Variants in AVPI1 observed in about 807,000 individuals in gnomAD.
The protein encoded by AVPI1 is arginine vasopressin induced 1, also known as arginine vasopressin-induced protein 1.
A neutral mutation model predicts 11.9 loss-of-function variants in AVPI1; 9 were observed. The observed-to-expected ratio is 0.76, with a 90% CI of 0.46 to 1.32. The LOEUF (loss-of-function observed/expected upper bound fraction) is 1.32, where lower values mean the gene tolerates loss of function less well. Among genes scored for constraint, AVPI1 ranks in the 40% most tolerant of loss-of-function variants. The pLI, the probability that AVPI1 is intolerant of heterozygous loss-of-function variation, is 0.00. For synonymous variants in AVPI1, 68 were observed against 78.1 expected, an observed-to-expected ratio of 0.87 and a Z score of 0.68; for missense variants, 207 against 195.8, an observed-to-expected ratio of 1.06 and a Z score of -0.34.
chr10:97,678,153 G>A, intron 2 of AVPI1, 128 bp from the exon 3 acceptor site: 1 of 1,020,292 alleles, frequency 9.8e-7, no homozygotes, highest in Non-Finnish European at 1.4e-6. Flanking sequence ...GCTCTGCTCT[G>A]GTCTTTCCCC....
intron 1 of AVPI1, among the ~76,000 whole-genome samples, chr10:97,681,917 AAG>A (rs1308724081): frequency 1.8e-4 from 27 of 151,742 alleles, no homozygotes; most frequent in Admixed American, 7.2e-4. Flanking sequence ...AAAAGAAAAA[AAG>A]AATACAATGA....
At position 97,678,953 on chromosome 10, in the gene AVPI1, G is replaced by C. The variant is rs1564779913; in HGVS notation, c.287+666C>G. 9.3e-4 allele frequency among the ~76,000 whole-genome samples: 43 copies of C among 45,998 alleles called. 5 individuals carry two copies. The East Asian group carries it at 0.013, about 14-fold the overall frequency. 30.2% of individuals were successfully genotyped at this position (45,998 alleles called of 152,430 possible). A position where few individuals can be genotyped will look rare whatever the true frequency, so the allele number is the denominator to read the frequency against. On this transcript the variant is annotated intron_variant, in intron 2 of 2. Coordinates refer to ENST00000370626, the MANE Select transcript of AVPI1 (RefSeq NM_021732.3). ...TGTGTGTGTGTGTGTGTGTGTGTGT[G>C]TGTGTGTGTGTGTGTGTGTGTGTGT...
intron 1 of AVPI1, among the ~76,000 whole-genome samples, chr10:97,681,809 C>T (rs1289057026): frequency 6.9e-6 from 1 of 144,964 alleles, no homozygotes; most frequent in African/African-American, 2.5e-5. Flanking sequence ...ACCCGGGAAG[C>T]GGAGCTTGCA....
Position 97,677,821 on chromosome 10 carries a change from C to T in AVPI1, c.*48G>A. 1.2e-6 allele frequency: 2 copies of T among 1,605,190 alleles called. No homozygotes were observed. Among genetic ancestry groups the T allele is most frequent in the Non-Finnish European group, 8.5e-7 (1 of 1,174,454 alleles). On this transcript the variant is annotated 3_prime_UTR_variant, in exon 3 of 3. Transcript: ENST00000370626. Reference sequence around the variant, plus strand: ...GTCTCTCTTCCTTCACCTCCCCAGGCCTTTTGGCAAGAGGGAAGACACTGC... The same window carrying T: ...GTCTCTCTTCCTTCACCTCCCCAGGTCTTTTGGCAAGAGGGAAGACACTGC...
At chr10:97,679,591 C>T (rs1241675627) in intron 2 of AVPI1, 28 bp downstream of exon 2, 2 of 1,586,114 alleles carry the variant, frequency 1.3e-6, no homozygotes, top group Non-Finnish European at 1.7e-6. Flanking sequence ...AGTGCTCTTC[C>T]CTCAGCCATC....
chr10:97,681,738 C>T (rs1161190160), intron 1 of AVPI1, among the ~76,000 whole-genome samples: 6 of 147,508 alleles, frequency 4.1e-5, no homozygotes, highest in Non-Finnish European at 7.5e-5. Context: ...ATTAGCCGGG[C>T]GCGGTGGCGG....
intron 2 of AVPI1, among the ~76,000 whole-genome samples, chr10:97,678,880 GGTGTGTGTGTGTGTGT>G (rs1255604041): frequency 2.6e-5 from 3 of 113,436 alleles, no homozygotes; most frequent in Admixed American, 9.8e-5. Flanking sequence ...GCGGGGGGAG[GGTGTGTGTGTGTGTGT>G]GTGTGTGTGT....
At chr10:97,683,764 T>G (rs2041715908) in intron 1 of AVPI1, among the ~76,000 whole-genome samples, 1 of 152,214 alleles carries the variant, frequency 6.6e-6, no homozygotes, top group South Asian at 2.1e-4. Context: ...CCCAGCCCAG[T>G]GCACAGAGCC....
intron 1 of AVPI1, among the ~76,000 whole-genome samples, chr10:97,680,899 T>C (rs554603893): frequency 5.3e-5 from 8 of 152,298 alleles, no homozygotes; most frequent in African/African-American, 1.9e-4. Context: ...CTGAAACTTA[T>C]AAGAAAGTTC....
chr10:97,681,618 C>G (rs1449566380), intron 1 of AVPI1, among the ~76,000 whole-genome samples: 3 of 151,946 alleles, frequency 2.0e-5, no homozygotes, highest in Non-Finnish European at 4.4e-5. Flanking sequence ...GTGGCTCACG[C>G]CTGTAATCCA....
At position 97,678,948 on chromosome 10, in the gene AVPI1, T is replaced by TCGCC. The variant is rs1564779887; in HGVS notation, c.287+670_287+671insGGCG. ...GTGTGTGTGTGTGTGTGTGTGTGTG[T>TCGCC]GTGTGTGTGTGTGTGTGTGTGTGTG... is the stretch of plus-strand genomic sequence containing the variant. On this transcript the variant is annotated intron_variant, in intron 2 of 2. Coordinates refer to ENST00000370626, the MANE Select transcript of AVPI1 (RefSeq NM_021732.3). Among the ~76,000 whole-genome samples, 78 of 40,016 alleles carry TCGCC rather than the reference T, an allele frequency of 1.9e-3. 10 individuals are homozygous for TCGCC. Among genetic ancestry groups the TCGCC allele is most frequent in the East Asian group, 7.3e-3 (11 of 1,504 alleles). 26.3% of individuals were successfully genotyped at this position (40,016 alleles called of 152,430 possible).
At chr10:97,684,028 G>C (rs2041717405) in intron 1 of AVPI1, among the ~76,000 whole-genome samples, 1 of 152,178 alleles carries the variant, frequency 6.6e-6, no homozygotes, top group Non-Finnish European at 1.5e-5. Flanking sequence ...GGACAGGTCT[G>C]GCTAACTGGG....
rs1564779908 is a variant in AVPI1, at chr10:97,678,952, T to A, written c.287+667A>T. Among the ~76,000 whole-genome samples, 65 of 39,708 alleles carry A rather than the reference T, an allele frequency of 1.6e-3. 7 individuals are homozygous for A. The highest frequency in any genetic ancestry group is 0.012 in the East Asian group (19 of 1,628). 26.0% of individuals were successfully genotyped at this position (39,708 alleles called of 152,430 possible). A position where few individuals can be genotyped will look rare whatever the true frequency, so the allele number is the denominator to read the frequency against. On this transcript the variant is annotated intron_variant, in intron 2 of 2. Coordinates refer to ENST00000370626, the MANE Select transcript of AVPI1 (RefSeq NM_021732.3). ...GTGTGTGTGTGTGTGTGTGTGTGTG[T>A]GTGTGTGTGTGTGTGTGTGTGTGTG...
Position 97,677,962 on chromosome 10 carries a change from C to T in AVPI1, c.351G>A (p.Glu117=), listed in dbSNP as rs746461379. 1.2e-6 allele frequency: 2 copies of T among 1,614,188 alleles called. No individual in the cohort carries two copies. Among genetic ancestry groups the T allele is most frequent in the East Asian group, 2.2e-5 (1 of 44,882 alleles). The change falls in exon 3 of 3, where the codon GAG becomes GAA. Residue 117 remains glutamate (E), a synonymous_variant. Transcript: ENST00000370626. ...PQSATETASS[E]QYLHSRKKSA... ...TTTTCTTCCTAGAGTGCAGATACTG[C>T]TCACTGGAGGCTGTCTCTGTGGCAC...
intron 1 of AVPI1, among the ~76,000 whole-genome samples, chr10:97,686,552 C>A (rs1249475360): frequency 6.6e-6 from 1 of 152,172 alleles, no homozygotes; most frequent in Non-Finnish European, 1.5e-5. Context: ...CAGTCTGACC[C>A]CAGCACCCGG....
At chr10:97,686,025 G>C (rs1395282141) in intron 1 of AVPI1, among the ~76,000 whole-genome samples, 4 of 152,180 alleles carry the variant, frequency 2.6e-5, no homozygotes, top group Non-Finnish European at 5.9e-5. Flanking sequence ...GCTCACGCCT[G>C]TAATCCCAGC....
intron 2 of AVPI1, 21 bp from the exon 3 acceptor site, chr10:97,678,046 A>G: frequency 2.5e-6 from 4 of 1,605,964 alleles, no homozygotes; most frequent in Non-Finnish European, 3.4e-6. Flanking sequence ...CAAGTGTATG[A>G]TTAGCCAACA....
intron 2 of AVPI1, among the ~76,000 whole-genome samples, chr10:97,678,640 G>A (rs73322524): frequency 0.029 from 4,451 of 151,062 alleles, 240 homozygotes; most frequent in African/African-American, 0.1. Context: ...TACATTCCTA[G>A]GCTATATTCT....
chr10:97,677,778 T>C lies in AVPI1; in HGVS notation c.*91A>G. ...CAGCCTCTTGCTTTCATTTACCCCT[T>C]TGGGCTGCTTGCCTAAAGTCTCTCT... is the stretch of plus-strand genomic sequence containing the variant. On this transcript the variant is annotated 3_prime_UTR_variant, in exon 3 of 3. Transcript: ENST00000370626. 1 of 1,514,234 alleles carries C rather than the reference T, an allele frequency of 6.6e-7. No homozygotes were observed. The highest frequency in any genetic ancestry group is 1.8e-5 in the Admixed American group (1 of 54,760). The allele number at this position is 1,514,234 out of a possible 1,614,324, so 93.8% of individuals were successfully genotyped here. A position where few individuals can be genotyped will look rare whatever the true frequency, so the allele number is the denominator to read the frequency against.
Sources: gnomAD v4.1 joint callset for allele counts (sites outside exome capture counted in the v4.1 genomes callset) on GRCh38, gnomAD v4.1.1 for gene constraint, MANE v1.5 for transcripts, NCBI Gene and HGNC (gene_info 2026-07-23, HGNC 2026-07-21) for gene names.